Variants in GFRA2 observed in about 807,000 individuals in gnomAD.
GFRA2 encodes the protein GDNF family receptor alpha 2.
Under a neutral mutation model 48.3 loss-of-function variants are expected in GFRA2, and 17 were observed. The ratio of observed to expected loss-of-function variants is 0.35; its 90% CI spans 0.24 to 0.53. GFRA2 has a LOEUF of 0.53. GFRA2 is among the 20% of genes least tolerant of loss of function. The pLI is 0.93. For missense variants in GFRA2, 660 were observed against 637.3 expected, an observed-to-expected ratio of 1.04 and a Z score of -0.38; for synonymous variants, 305 against 257.2, an observed-to-expected ratio of 1.19 and a Z score of -1.78.
At chr8:21,747,948 A>G (rs1805093683) in intron 4 of GFRA2, among the ~76,000 whole-genome samples, 1 of 151,288 alleles carries the variant, frequency 6.6e-6, no homozygotes, top group Non-Finnish European at 1.5e-5. Context: ...CTCACATCCT[A>G]CTTCCTTTGC....
At chr8:21,751,614 C>A (rs1301865301) in intron 3 of GFRA2, among the ~76,000 whole-genome samples, 2 of 152,198 alleles carry the variant, frequency 1.3e-5, no homozygotes, top group African/African-American at 4.8e-5. Flanking sequence ...CCATTCTTCA[C>A]CCACCCTACA....
chr8:21,748,283 C>A (rs1279124995), intron 4 of GFRA2, among the ~76,000 whole-genome samples: 1 of 152,102 alleles, frequency 6.6e-6, no homozygotes, highest in Non-Finnish European at 1.5e-5. Flanking sequence ...CCAATACCAC[C>A]CCCACTGAAT....
At chr8:21,695,327 A>C (rs888813452) in intron 7 of GFRA2, among the ~76,000 whole-genome samples, 1 of 152,170 alleles carries the variant, frequency 6.6e-6, no homozygotes, top group African/African-American at 2.4e-5. Flanking sequence ...TCCAGGATTC[A>C]AATGGCTTGT....
intron 3 of GFRA2, among the ~76,000 whole-genome samples, chr8:21,769,638 G>C (rs1269373083): frequency 1.3e-5 from 2 of 151,716 alleles, no homozygotes; most frequent in Non-Finnish European, 2.9e-5. Context: ...ATCCTCGGGG[G>C]CCATGTATTA....
At chr8:21,737,291 C>T (rs891092173) in intron 4 of GFRA2, among the ~76,000 whole-genome samples, 2 of 152,064 alleles carry the variant, frequency 1.3e-5, no homozygotes, top group African/African-American at 2.4e-5. Flanking sequence ...ATCGCTTGAA[C>T]CTGGGAGGTG....
intron 1 of GFRA2, among the ~76,000 whole-genome samples, chr8:21,806,094 T>TCTCCAC (rs1396450287): frequency 1.8e-4 from 28 of 152,220 alleles, no homozygotes; most frequent in Admixed American, 1.6e-3. Context: ...TCATCTACCC[T>TCTCCAC]AATTATTCAA....
chr8:21,735,837 A>T (rs1804433948), intron 4 of GFRA2, among the ~76,000 whole-genome samples: 2 of 138,632 alleles, frequency 1.4e-5, no homozygotes, highest in African/African-American at 6.3e-5. Flanking sequence ...CAGATAATTA[A>T]AAAAAAAAAA....
At chr8:21,783,207 A>G in intron 1 of GFRA2, 3 of 525,320 alleles carry the variant, frequency 5.7e-6, no homozygotes, top group South Asian at 4.9e-5. Flanking sequence ...AGACGTCAGG[A>G]GCCCAGAGGA....
chr8:21,734,630 C>T (rs1029123223), intron 4 of GFRA2, among the ~76,000 whole-genome samples: 2 of 152,246 alleles, frequency 1.3e-5, no homozygotes, highest in Admixed American at 6.5e-5. Flanking sequence ...CTGTCCAGTT[C>T]GCCCTGTGCC....
chr8:21,690,974 G>A lies in GFRA2; in HGVS notation c.*2304C>T, dbSNP rs1801861085. On this transcript the variant is annotated 3_prime_UTR_variant, in exon 9 of 9. Coordinates refer to ENST00000524240, the MANE Select transcript of GFRA2 (RefSeq NM_001495.5). The stretch of plus-strand genomic sequence containing the variant: ...CACGTCTACCCGCAATGGCTGGACA[G>A]AGACCTGGCTGGCTCACTGTACCCC... The A allele has an allele frequency of 6.6e-6, 1 of 152,260 alleles. No homozygotes were observed. The highest frequency in any genetic ancestry group is 1.5e-5 in the Non-Finnish European group (1 of 68,058). 9.4% of individuals were successfully genotyped at this position (152,260 alleles called of 1,614,324 possible).
chr8:21,750,111 G>GCACA lies in GFRA2; in HGVS notation c.794+473_794+476dup, dbSNP rs1805217098. 1.9e-5 allele frequency among the ~76,000 whole-genome samples: 2 copies of GCACA among 107,150 alleles called. No individual in the cohort carries two copies. Among genetic ancestry groups the GCACA allele is most frequent in the African/African-American group, 8.2e-5 (2 of 24,366 alleles). 70.3% of individuals were successfully genotyped at this position (107,150 alleles called of 152,430 possible). Reference sequence around the variant, plus strand: ...TATACACACACACACACACACACACGCACATATATAGGTAGAGACTGAGTT... The same window carrying GCACA: ...TATACACACACACACACACACACACGCACACACATATATAGGTAGAGACTGAGTT... On this transcript the variant is annotated intron_variant, in intron 4 of 8. Coordinates refer to ENST00000524240, the MANE Select transcript of GFRA2 (RefSeq NM_001495.5). This position sits in a 1 kb window ranked among gnomAD's most constrained non-coding sequence, Gnocchi z 5.7.
rs376702759 is a variant in GFRA2 at position 21,704,881 on chromosome 8, C to T, written c.1045+104G>A. 2.3e-3 allele frequency: 2,099 copies of T among 930,920 alleles called. 25 individuals carry two copies. The highest frequency in any genetic ancestry group is 0.015 in the South Asian group (1,038 of 70,786). The allele number at this position is 930,920 out of a possible 1,614,324, so 57.7% of individuals were successfully genotyped here. A position where few individuals can be genotyped will look rare whatever the true frequency, so the allele number is the denominator to read the frequency against. On this transcript the variant is annotated intron_variant, in intron 6 of 8. Transcript: ENST00000524240. ...AACACCCATGGCGGAGAAGCCTCAT[C>T]TACATCACCAGCCATCCCCACGGAA...
chr8:21,750,919 T>C lies in GFRA2; in HGVS notation c.463A>G (p.Ser155Gly). 3.1e-6 allele frequency: 5 copies of C among 1,611,942 alleles called. No individual in the cohort carries two copies. Among genetic ancestry groups the C allele is most frequent in the Non-Finnish European group, 4.2e-6 (5 of 1,179,132 alleles). Reference sequence around the variant, plus strand: ...TCCAGGCAATGGTTGCTCTTGGCGCTGACCACCGGGTCTGCCCCTGTCCCT... The same window carrying C: ...TCCAGGCAATGGTTGCTCTTGGCGCCGACCACCGGGTCTGCCCCTGTCCCT... ...FSGTGADPVVSAKSNHCLDAA... is the reference protein window; with the variant it reads ...FSGTGADPVVGAKSNHCLDAA... Residue 155 changes from serine (S) to glycine (G), a missense_variant, in exon 4 of 9, where the codon AGC becomes GGC. Coordinates refer to ENST00000524240, the MANE Select transcript of GFRA2 (RefSeq NM_001495.5). The surrounding 1 kb of genome is among the most constrained non-coding windows in gnomAD (Gnocchi z 5.7).
chr8:21,735,080 A>G (rs112102611), intron 4 of GFRA2, among the ~76,000 whole-genome samples: 16,766 of 152,216 alleles, frequency 0.11, 1,139 homozygotes, highest in Middle Eastern at 0.21. Flanking sequence ...ATGTCTCCCT[A>G]AAATGTATAA....
At chr8:21,699,048 C>A (rs1426952770) in intron 7 of GFRA2, among the ~76,000 whole-genome samples, 1 of 152,230 alleles carries the variant, frequency 6.6e-6, no homozygotes, top group East Asian at 1.9e-4. Context: ...GCACCAATCA[C>A]CTTCTCCCTC....
At chr8:21,719,560 G>A (rs942095744) in intron 4 of GFRA2, among the ~76,000 whole-genome samples, 1 of 152,192 alleles carries the variant, frequency 6.6e-6, no homozygotes, top group Non-Finnish European at 1.5e-5. Context: ...CAAACCCCGA[G>A]TCACTATAGA....
At chr8:21,777,324 G>T (rs1307769133) in intron 2 of GFRA2, among the ~76,000 whole-genome samples, 3 of 151,878 alleles carry the variant, frequency 2.0e-5, no homozygotes, top group Non-Finnish European at 2.9e-5. Context: ...CCCCGGGGTG[G>T]TGTGGGGGCC....
intron 2 of GFRA2, among the ~76,000 whole-genome samples, chr8:21,781,481 G>A (rs946769642): frequency 4.6e-5 from 7 of 151,908 alleles, no homozygotes; most frequent in East Asian, 1.9e-4. Flanking sequence ...GTTCCATTTC[G>A]TGACTCTGAC....
At chr8:21,717,601 T>G (rs1803395703) in intron 4 of GFRA2, among the ~76,000 whole-genome samples, 1 of 152,210 alleles carries the variant, frequency 6.6e-6, no homozygotes, top group African/African-American at 2.4e-5. Context: ...AAACAATGAT[T>G]TCTCTAAGCC....
Sources: allele counts gnomAD v4.1 joint callset (sites outside exome capture counted in the v4.1 genomes callset), GRCh38; gene constraint gnomAD v4.1.1; non-coding constraint Gnocchi (gnomAD v3.1); transcripts MANE v1.5; gene names NCBI Gene and HGNC (gene_info 2026-07-23, HGNC 2026-07-21).